The following FHIT variants were observed in gnomAD, a reference collection of about 807,000 sequenced individuals.
FHIT encodes bis(5'-adenosyl)-triphosphatase.
A neutral mutation model predicts 17.9 loss-of-function variants in FHIT; 19 were observed. That is an observed-to-expected ratio of 1.06 (90% confidence interval 0.74 to 1.56). The LOEUF is 1.56. Ranked by LOEUF, FHIT falls within the 40% of genes most tolerant of loss-of-function variation. FHIT has a pLI of 0.00. For synonymous variants in FHIT, 81 were observed against 69.7 expected (o/e 1.16, Z -0.81); for missense variants, 248 against 189.2 (o/e 1.31, Z -1.82).
In FHIT at chr3:60,941,337, G is replaced by T. The variant is rs1708398290; in HGVS notation, c.-111+100710C>A. ...TCTAAACTACTGCTCCCTTAAAAAT[G>T]GCACCTTCATTTCTCTTCTATAATT... On this transcript the variant is annotated intron_variant, in intron 3 of 9. Coordinates refer to ENST00000492590, the MANE Select transcript of FHIT (RefSeq NM_002012.4). Among the ~76,000 whole-genome samples the T allele has an allele frequency of 2.0e-5, 3 of 152,154 alleles. 1 individual carries two copies. Among genetic ancestry groups the T allele is most frequent in the South Asian group, 4.2e-4 (2 of 4,816 alleles).
At chr3:60,076,061 A>C (rs757411902) in intron 5 of FHIT, among the ~76,000 whole-genome samples, 1 of 152,136 alleles carries the variant, frequency 6.6e-6, no homozygotes, top group Non-Finnish European at 1.5e-5. Context: ...ATTTTGCCAG[A>C]GGAGCCTCAA....
chr3:60,195,703 G>GA (rs1051114168), intron 5 of FHIT, among the ~76,000 whole-genome samples: 2 of 149,458 alleles, frequency 1.3e-5, no homozygotes, highest in Non-Finnish European at 3.0e-5. Context: ...CCATAAACAA[G>GA]AAAAAAATAA....
At chr3:60,455,851 A>G (rs1486906063) in intron 5 of FHIT, among the ~76,000 whole-genome samples, 3 of 152,180 alleles carry the variant, frequency 2.0e-5, no homozygotes, top group Non-Finnish European at 4.4e-5. Flanking sequence ...CTGCTTTCAG[A>G]GAAATTCATC....
Position 60,696,315 on chromosome 3 carries a change from C to T in FHIT, c.-18+125604G>A, listed in dbSNP as rs367677141. Among the ~76,000 whole-genome samples, 68 of 152,226 alleles carry T rather than the reference C, an allele frequency of 4.5e-4. No individual in the cohort carries two copies. The South Asian group carries it at 6.2e-3, about 14-fold the overall frequency. The stretch of plus-strand genomic sequence containing the variant: ...ATACGTTGAAAAGTGAATTTCAGTA[C>T]ATTCAAATTTTAAAGACACGACTTC... On this transcript the variant is annotated intron_variant, in intron 4 of 9. Transcript: ENST00000492590.
intron 5 of FHIT, among the ~76,000 whole-genome samples, chr3:60,531,015 T>A (rs1215698953): frequency 6.6e-6 from 1 of 152,128 alleles, no homozygotes; most frequent in Non-Finnish European, 1.5e-5. Flanking sequence ...TTGAACACAA[T>A]AATCTGCCAA....
intron 3 of FHIT, among the ~76,000 whole-genome samples, chr3:60,974,049 C>T (rs1336266857): frequency 6.6e-6 from 1 of 152,058 alleles, no homozygotes; most frequent in African/African-American, 2.4e-5. Flanking sequence ...AATTCATAGG[C>T]TCAGAGACAT....
rs142316904 is a variant in FHIT, at chr3:60,063,796, T to C, written c.104-49644A>G. Among the ~76,000 whole-genome samples, 1,118 of 152,274 alleles carry C rather than the reference T, an allele frequency of 7.3e-3. 10 individuals carry two copies. The highest frequency in any genetic ancestry group is 0.012 in the Non-Finnish European group (788 of 68,016). On this transcript the variant is annotated intron_variant, in intron 5 of 9. Coordinates refer to ENST00000492590, the MANE Select transcript of FHIT (RefSeq NM_002012.4). Reference sequence around the variant, plus strand: ...TTGTGCAAGAATGTCCTTTGTAGTATTGCCCATAAAAACAAACAAAAAAAT... The same window carrying C: ...TTGTGCAAGAATGTCCTTTGTAGTACTGCCCATAAAAACAAACAAAAAAAT...
At chr3:60,192,959 T>G (rs1212278190) in intron 5 of FHIT, among the ~76,000 whole-genome samples, 1 of 152,190 alleles carries the variant, frequency 6.6e-6, no homozygotes, top group Non-Finnish European at 1.5e-5. Context: ...AAGAATATTC[T>G]CTCTGTGTTC....
At position 61,220,051 on chromosome 3, in the gene FHIT, T is replaced by C. The variant is rs531899225; in HGVS notation, c.-212-19386A>G. 6.9e-5 allele frequency among the ~76,000 whole-genome samples: 10 copies of C among 144,600 alleles called. No homozygotes were observed. The Admixed American group carries it at 7.2e-4, about 10-fold the overall frequency. 94.9% of individuals were successfully genotyped at this position (144,600 alleles called of 152,430 possible). ...AACTGCCACGTTAAGGAATTGGTTA[T>C]TGACCTTTAAGTCTTTAACAATTAT... On this transcript the variant is annotated intron_variant, in intron 1 of 9. Coordinates refer to ENST00000492590, the MANE Select transcript of FHIT (RefSeq NM_002012.4).
intron 8 of FHIT, among the ~76,000 whole-genome samples, chr3:59,882,476 C>T (rs1412864175): frequency 8.8e-5 from 1 of 11,340 alleles, no homozygotes; most frequent in African/African-American, 1.7e-4. Flanking sequence ...TTAGAAATCC[C>T]TGAGGTGGTA....
chr3:60,794,373 A>AATGGATGGATGGATGG (rs34723569), intron 4 of FHIT, among the ~76,000 whole-genome samples: 6 of 149,506 alleles, frequency 4.0e-5, no homozygotes, highest in Non-Finnish European at 4.4e-5. Context: ...GGGAAGGAAA[A>AATGGATGGATGGATGG]ATGGATGGAT....
rs372976467 is a variant in FHIT, at chr3:59,941,517, C to T, written c.280-19103G>A. Among the ~76,000 whole-genome samples, 63 of 152,304 alleles carry T rather than the reference C, an allele frequency of 4.1e-4. 2 individuals are homozygous for T. In the East Asian group the frequency reaches 4.8e-3, roughly 12 times the overall value. On this transcript the variant is annotated intron_variant, in intron 7 of 9. Coordinates refer to ENST00000492590, the MANE Select transcript of FHIT (RefSeq NM_002012.4). Reference sequence around the variant, plus strand: ...TATCCCACATTCTCTTTTATCCTGACACATTGCATAGACTCCTGTTGTGGG... The same window carrying T: ...TATCCCACATTCTCTTTTATCCTGATACATTGCATAGACTCCTGTTGTGGG...
intron 8 of FHIT, among the ~76,000 whole-genome samples, chr3:59,870,868 T>TCTGC (rs1702887190): frequency 9.9e-6 from 1 of 100,662 alleles, no homozygotes; most frequent in African/African-American, 2.8e-5. Context: ...TGTGTGTGTG[T>TCTGC]GTGTGCGTGT....
chr3:59,970,016 C>T (rs78274014), intron 7 of FHIT, among the ~76,000 whole-genome samples: 2 of 152,046 alleles, frequency 1.3e-5, no homozygotes, highest in African/African-American at 2.4e-5. Flanking sequence ...CAGAACATAA[C>T]TGAATATCAT....
At chr3:60,783,023 C>T (rs752251067) in intron 4 of FHIT, among the ~76,000 whole-genome samples, 11 of 152,160 alleles carry the variant, frequency 7.2e-5, no homozygotes, top group Non-Finnish European at 1.5e-4. Context: ...CCCCCTGTTG[C>T]CCAGGCTGAT....
chr3:60,118,790 G>C (rs1187680020), intron 5 of FHIT, among the ~76,000 whole-genome samples: 1 of 142,652 alleles, frequency 7.0e-6, no homozygotes, highest in Non-Finnish European at 1.5e-5. Flanking sequence ...GGGGGGGGTG[G>C]TGAATCACCT....
intron 7 of FHIT, among the ~76,000 whole-genome samples, chr3:59,994,365 A>C (rs571973501): frequency 6.6e-6 from 1 of 152,262 alleles, no homozygotes; most frequent in South Asian, 2.1e-4. Context: ...ATCCATCTGC[A>C]GAGAAACAAT....
intron 3 of FHIT, among the ~76,000 whole-genome samples, chr3:60,964,896 A>G (rs1709643983): frequency 6.6e-6 from 1 of 152,042 alleles, no homozygotes; most frequent in Non-Finnish European, 1.5e-5. Context: ...GGTGAATCTG[A>G]CAATTATGTG....
intron 5 of FHIT, among the ~76,000 whole-genome samples, chr3:60,211,482 T>A (rs550605726): frequency 7.9e-5 from 12 of 152,222 alleles, no homozygotes; most frequent in Admixed American, 2.0e-4. Context: ...AAAAAAGCAA[T>A]CTCTATAAAT....
Sources: gnomAD v4.1 joint callset for allele counts (sites outside exome capture counted in the v4.1 genomes callset) on GRCh38, gnomAD v4.1.1 for gene constraint, MANE v1.5 for transcripts, NCBI Gene and HGNC (gene_info 2026-07-23, HGNC 2026-07-21) for gene names.